Variants in CAMK2D observed in about 807,000 individuals in gnomAD.
CAMK2D encodes calcium/calmodulin-dependent protein kinase type II subunit delta.
Under a neutral mutation model 84.0 loss-of-function variants are expected in CAMK2D, and 37 were observed. That is an observed-to-expected ratio of 0.44 (90% CI 0.34 to 0.58). The LOEUF (loss-of-function observed/expected upper bound fraction) is 0.58, where lower values mean the gene tolerates loss of function less well. CAMK2D is among the 20% of genes least tolerant of loss of function. The pLI is 0.02. For synonymous variants in CAMK2D, 202 were observed against 212.5 expected (o/e 0.95, Z 0.43); for missense variants, 448 against 652.5 (o/e 0.69, Z 3.41).
chr4:113,667,754 C>T (rs75718731), intron 2 of CAMK2D, among the ~76,000 whole-genome samples: 9,595 of 152,192 alleles, frequency 0.063, 548 homozygotes, highest in East Asian at 0.22. Context: ...TATTACAAAA[C>T]TATGCTATGT....
intron 16 of CAMK2D, among the ~76,000 whole-genome samples, chr4:113,495,162 TC>T (rs2097911702): frequency 1.3e-5 from 2 of 152,116 alleles, no homozygotes; most frequent in Admixed American, 6.5e-5. Context: ...TCTTGGCTCC[TC>T]CCCCCAGTAA....
At chr4:113,585,770 T>G (rs2098831543) in intron 4 of CAMK2D, among the ~76,000 whole-genome samples, 1 of 151,800 alleles carries the variant, frequency 6.6e-6, no homozygotes, top group Non-Finnish European at 1.5e-5. Context: ...GATTAGTATA[T>G]AGAACTTTGT....
chr4:113,510,520 GT>G (rs916125189), intron 12 of CAMK2D, among the ~76,000 whole-genome samples: 2 of 152,024 alleles, frequency 1.3e-5, no homozygotes, highest in Non-Finnish European at 1.5e-5. Context: ...ATATGAAAAG[GT>G]GAAGTCACCC....
At chr4:113,674,605 A>C (rs1454170673) in intron 2 of CAMK2D, among the ~76,000 whole-genome samples, 6 of 152,202 alleles carry the variant, frequency 3.9e-5, no homozygotes, top group African/African-American at 1.2e-4. Flanking sequence ...AAGCTGGCAG[A>C]CAAAAACCTG....
intron 16 of CAMK2D, among the ~76,000 whole-genome samples, chr4:113,487,947 A>G (rs536186554): frequency 2.4e-4 from 36 of 152,086 alleles, no homozygotes; most frequent in Non-Finnish European, 4.9e-4. Context: ...ATTGATTTCA[A>G]TATCTACATT....
intron 3 of CAMK2D, among the ~76,000 whole-genome samples, chr4:113,617,605 T>TAGG (rs1047509891): frequency 2.6e-5 from 4 of 152,110 alleles, no homozygotes; most frequent in African/African-American, 9.7e-5. Context: ...AAGGTATTCC[T>TAGG]GAGAAGGCAC....
chr4:113,470,144 G>A (rs181763817), intron 16 of CAMK2D, among the ~76,000 whole-genome samples: 303 of 149,936 alleles, frequency 2.0e-3, no homozygotes, highest in Admixed American at 3.4e-3. Flanking sequence ...TCTGGACTCT[G>A]CCCATCTCAT....
chr4:113,521,362 C>A (rs2098356826), intron 8 of CAMK2D, among the ~76,000 whole-genome samples: 1 of 152,168 alleles, frequency 6.6e-6, no homozygotes, highest in Non-Finnish European at 1.5e-5. Context: ...GTGGTTCCTG[C>A]ATCTGTTAAT....
intron 2 of CAMK2D, among the ~76,000 whole-genome samples, chr4:113,725,480 T>C (rs191102948): frequency 3.3e-5 from 5 of 152,260 alleles, no homozygotes; most frequent in Admixed American, 3.3e-4. Flanking sequence ...AAATTTACTT[T>C]GCCTATAAAG....
At chr4:113,691,478 C>A (rs528677979) in intron 2 of CAMK2D, among the ~76,000 whole-genome samples, 9 of 152,272 alleles carry the variant, frequency 5.9e-5, no homozygotes, top group African/African-American at 2.2e-4. Context: ...GGGTCAGGGG[C>A]ACAGTGGCTC....
chr4:113,746,647 G>A (rs2099604765), intron 2 of CAMK2D, among the ~76,000 whole-genome samples: 2 of 151,988 alleles, frequency 1.3e-5, no homozygotes, highest in African/African-American at 4.8e-5. Context: ...TCAACCCAAG[G>A]AAATTTTTCC....
chr4:113,556,290 G>T (rs1478016984), intron 4 of CAMK2D, among the ~76,000 whole-genome samples: 1 of 152,178 alleles, frequency 6.6e-6, no homozygotes, highest in Non-Finnish European at 1.5e-5. Context: ...GCTTTTTCTT[G>T]TCTGTGCTGC....
At chr4:113,666,936 CT>C (rs1184620100) in intron 2 of CAMK2D, among the ~76,000 whole-genome samples, 2 of 152,124 alleles carry the variant, frequency 1.3e-5, no homozygotes, top group African/African-American at 4.8e-5. Flanking sequence ...AGATCAATGC[CT>C]CAGATCTGTT....
chr4:113,496,447 T>C (rs1261564054), intron 16 of CAMK2D, among the ~76,000 whole-genome samples: 1 of 74,588 alleles, frequency 1.3e-5, no homozygotes, highest in East Asian at 3.5e-4. Flanking sequence ...TCCCATTTGC[T>C]TTTTTTTTTT....
At chr4:113,662,883 C>T (rs1171836283) in intron 2 of CAMK2D, among the ~76,000 whole-genome samples, 1 of 152,164 alleles carries the variant, frequency 6.6e-6, no homozygotes, top group East Asian at 1.9e-4. Context: ...AACCACTCGT[C>T]TGTGCTATAA....
intron 17 of CAMK2D, among the ~76,000 whole-genome samples, chr4:113,462,330 G>A (rs4834338): frequency 0.52 from 67,092 of 128,604 alleles, 17,625 homozygotes; most frequent in Middle Eastern, 0.58. Context: ...CTGTCTGTCT[G>A]TCTGTCTGTC....
intron 4 of CAMK2D, among the ~76,000 whole-genome samples, chr4:113,571,898 A>C (rs2098755452): frequency 4.6e-5 from 7 of 152,212 alleles, no homozygotes; most frequent in Admixed American, 4.6e-4. Flanking sequence ...GCACTAGAGA[A>C]GTGTGAAAAC....
In CAMK2D at chr4:113,503,037, T is replaced by C. The variant is rs1019189154; in HGVS notation, c.1045-60A>G. 1.4e-4 allele frequency: 167 copies of C among 1,204,898 alleles called. 1 individual carries two copies. The highest frequency in any genetic ancestry group is 4.7e-4 in the Admixed American group (28 of 59,312). The allele number at this position is 1,204,898 out of a possible 1,614,324, so 74.6% of individuals were successfully genotyped here. A position where few individuals can be genotyped will look rare whatever the true frequency, so the allele number is the denominator to read the frequency against. On this transcript the variant is annotated intron_variant, in intron 14 of 20. Coordinates refer to ENST00000511664, the MANE Select transcript of CAMK2D (RefSeq NM_001321571.2). ...GCATTGGTAAGTACATTCTTTCTAG[T>C]GTGAAGGACAGAGCAGAGTGAGCCA...
intron 2 of CAMK2D, among the ~76,000 whole-genome samples, chr4:113,707,289 G>T (rs2099462530): frequency 6.6e-6 from 1 of 152,170 alleles, no homozygotes; most frequent in African/African-American, 2.4e-5. Flanking sequence ...AAAAAGGAAG[G>T]AAGCCCACAC....
Sources: gnomAD v4.1 joint callset for allele counts (sites outside exome capture counted in the v4.1 genomes callset) on GRCh38, gnomAD v4.1.1 for gene constraint, MANE v1.5 for transcripts, NCBI Gene and HGNC (gene_info 2026-07-23, HGNC 2026-07-21) for gene names.